PARS2: variants seen among roughly 807,000 people sequenced by gnomAD.
PARS2 encodes prolyl-tRNA synthetase 2, mitochondrial.
A neutral mutation model predicts 27.4 loss-of-function variants in PARS2; 20 were observed. That is an observed-to-expected ratio of 0.73 (90% CI 0.51 to 1.06). The LOEUF is 1.06. Among genes scored for constraint, PARS2 ranks in the 50% least tolerant of loss-of-function variants. PARS2 has a pLI of 0.00. For missense variants in PARS2, 585 were observed against 602.1 expected (o/e 0.97, Z 0.30); for synonymous variants, 240 against 247.1 (o/e 0.97, Z 0.27).
In PARS2 at chr1:54,758,510, C is replaced by A. The variant is rs1029901014; in HGVS notation, c.652G>T (p.Ala218Ser). Reference protein sequence around the residue: ...DMYTFDSSPEAAQQTYSLVCD... With the variant: ...DMYTFDSSPESAQQTYSLVCD... The stretch of plus-strand genomic sequence containing the variant: ...ACCAGGCTGTAGGTCTGCTGGGCAG[C>A]CTCTGGGGAGGAGTCAAAGGTGTAC... Residue 218 changes from alanine to serine, a missense_variant, in exon 2 of 2, where the codon GCT becomes TCT. Coordinates refer to ENST00000371279, the MANE Select transcript of PARS2 (RefSeq NM_152268.4). 6.2e-7 allele frequency: 1 copy of A among 1,614,012 alleles called. No individual in the cohort carries two copies. Among genetic ancestry groups the A allele is most frequent in the African/African-American group, 1.3e-5 (1 of 74,886 alleles).
In PARS2 at chr1:54,757,073, G is replaced by A. The variant is rs1646117945; in HGVS notation, c.*661C>T. ...GACTGCCTGTCACACACCTCTCATG[G>A]AACCCCCTAGTGACACCTATAAGGA... On this transcript the variant is annotated 3_prime_UTR_variant, in exon 2 of 2. Coordinates refer to ENST00000371279, the MANE Select transcript of PARS2 (RefSeq NM_152268.4). 6.6e-6 allele frequency: 1 copy of A among 152,156 alleles called. No individual in the cohort carries two copies. Among genetic ancestry groups the A allele is most frequent in the Non-Finnish European group, 1.5e-5 (1 of 68,030 alleles). The allele number at this position is 152,156 out of a possible 1,614,324, so 9.4% of individuals were successfully genotyped here.
Position 54,759,184 on chromosome 1 carries a change from C to G in PARS2, c.-23G>C, listed in dbSNP as rs1293313905. The G allele has an allele frequency of 6.5e-7, 1 of 1,544,000 alleles. No homozygotes were observed. The highest frequency in any genetic ancestry group is 1.2e-5 in the South Asian group (1 of 81,834). The stretch of plus-strand genomic sequence containing the variant: ...CATGACACCCTGGCACCGGGAAGCA[C>G]AGGCACCTGAGGAAAAATGAGTTGT... On this transcript the variant is annotated 5_prime_UTR_variant, in exon 2 of 2. Coordinates refer to ENST00000371279, the MANE Select transcript of PARS2 (RefSeq NM_152268.4).
intron 1 of PARS2, among the ~76,000 whole-genome samples, chr1:54,759,426 G>T (rs1027174298): frequency 6.6e-6 from 1 of 152,180 alleles, no homozygotes; most frequent in Admixed American, 6.5e-5. Flanking sequence ...CCTGTGGAGA[G>T]ACAGCGTCAT....
In PARS2 at chr1:54,757,557, T is replaced by G; in HGVS notation, c.*177A>C. ...GGAGAAAGGGATCAAGTTAATGACT[T>G]TAAATACAAATAATCTGAACAAATG... On this transcript the variant is annotated 3_prime_UTR_variant, in exon 2 of 2. Transcript: ENST00000371279. 1.8e-6 allele frequency: 1 copy of G among 570,970 alleles called. No individual in the cohort carries two copies. The highest frequency in any genetic ancestry group is 3.1e-6 in the Non-Finnish European group (1 of 323,086). The allele number at this position is 570,970 out of a possible 1,614,324, so 35.4% of individuals were successfully genotyped here. A position where few individuals can be genotyped will look rare whatever the true frequency, so the allele number is the denominator to read the frequency against.
At chr1:54,760,007 GA>G (rs372322152) in intron 1 of PARS2, among the ~76,000 whole-genome samples, 1,472 of 142,038 alleles carry the variant, frequency 0.01, 27 homozygotes, top group African/African-American at 0.034. Context: ...CTGTCTCAAA[GA>G]AAAAAAAAAA....
rs567420222 is a variant in PARS2, at chr1:54,761,783, C to A, written c.-29-2593G>T. Reference sequence around the variant, plus strand: ...CCCTCCAACCTCAAGCAGCCTCATTCATTTCCCCTGTGCACTGTACAAATG... The same window carrying A: ...CCCTCCAACCTCAAGCAGCCTCATTAATTTCCCCTGTGCACTGTACAAATG... On this transcript the variant is annotated intron_variant, in intron 1 of 1. Coordinates refer to ENST00000371279, the MANE Select transcript of PARS2 (RefSeq NM_152268.4). Among the ~76,000 whole-genome samples the A allele has an allele frequency of 1.3e-4, 20 of 152,288 alleles. No individual in the cohort carries two copies. In the South Asian group the frequency reaches 3.9e-3, roughly 30 times the overall value.
intron 1 of PARS2, among the ~76,000 whole-genome samples, chr1:54,760,447 C>A (rs72911780): frequency 0.015 from 2,298 of 152,284 alleles, 57 homozygotes; most frequent in African/African-American, 0.052. Flanking sequence ...ATTCCTACCT[C>A]TTCACTTGCT....
At chr1:54,761,816 G>A (rs1414596850) in intron 1 of PARS2, among the ~76,000 whole-genome samples, 1 of 152,154 alleles carries the variant, frequency 6.6e-6, no homozygotes, top group East Asian at 1.9e-4. Flanking sequence ...ATGTTTAAAG[G>A]TGGTCAGGCA....
Position 54,757,010 on chromosome 1 carries a change from C to T in PARS2, c.*724G>A, listed in dbSNP as rs1377027073. On this transcript the variant is annotated 3_prime_UTR_variant, in exon 2 of 2. Coordinates refer to ENST00000371279, the MANE Select transcript of PARS2 (RefSeq NM_152268.4). ...TTGGGCCATCAGTTAATTACATCGA[C>T]TTTCCAGGAAACAGACTATGGAGAA... 1 of 152,122 alleles carries T rather than the reference C, an allele frequency of 6.6e-6. No individual in the cohort carries two copies. The highest frequency in any genetic ancestry group is 2.4e-5 in the African/African-American group (1 of 41,416). 9.4% of individuals were successfully genotyped at this position (152,122 alleles called of 1,614,324 possible). A position where few individuals can be genotyped will look rare whatever the true frequency, so the allele number is the denominator to read the frequency against.
rs767329181 is a variant in PARS2 at position 54,758,790 on chromosome 1, C to T, written c.372G>A (p.Pro124=). 4 of 1,614,102 alleles carry T rather than the reference C, an allele frequency of 2.5e-6. No homozygotes were observed. The highest frequency in any genetic ancestry group is 2.2e-5 in the South Asian group (2 of 91,086). ...GGTTGGTGGCTTGCCAGAGCTCTGC[C>T]GGGCTGAGGCTGGGCATGTTGACTT... ...GQKVNMPSLS[P]AELWQATNRW... is the part of the protein sequence containing the mutation. The change falls in exon 2 of 2, where the codon CCG becomes CCA. Residue 124 remains proline (P), a synonymous_variant. Transcript: ENST00000371279.
At position 54,757,835 on chromosome 1, in the gene PARS2, C is replaced by T; in HGVS notation, c.1327G>A (p.Asp443Asn). The change falls in exon 2 of 2, where the codon GAC becomes AAC. Residue 443 changes from aspartate to asparagine, a missense_variant. Asp to Asn is a conservative substitution (Grantham distance 23). Transcript: ENST00000371279. ...CACCAAACCTCAAAATGTGCAGGGT[C>T]CTCCAGGGCCCTCTTGCCAGCGATT... The part of the protein sequence containing the change: ...VIIAGKRALE[D>N]PAHFEVWCQN... 6.2e-7 allele frequency: 1 copy of T among 1,614,168 alleles called. No homozygotes were observed.
chr1:54,764,194 T>C (rs948316743), intron 1 of PARS2, among the ~76,000 whole-genome samples: 1 of 152,196 alleles, frequency 6.6e-6, no homozygotes, highest in Non-Finnish European at 1.5e-5. Context: ...CCAGGGCCTT[T>C]CCAGAGCTGG....
In PARS2 at chr1:54,757,055, T is replaced by C. The variant is rs748446551; in HGVS notation, c.*679A>G. On this transcript the variant is annotated 3_prime_UTR_variant, in exon 2 of 2. Coordinates refer to ENST00000371279, the MANE Select transcript of PARS2 (RefSeq NM_152268.4). The stretch of plus-strand genomic sequence containing the variant: ...GGAGAATGAGAGGAATCAGACTGCC[T>C]GTCACACACCTCTCATGGAACCCCC... 6.6e-6 allele frequency: 1 copy of C among 152,184 alleles called. No homozygotes were observed. Among genetic ancestry groups the C allele is most frequent in the Non-Finnish European group, 1.5e-5 (1 of 68,044 alleles). 9.4% of individuals were successfully genotyped at this position (152,184 alleles called of 1,614,324 possible). A position where few individuals can be genotyped will look rare whatever the true frequency, so the allele number is the denominator to read the frequency against.
intron 1 of PARS2, among the ~76,000 whole-genome samples, chr1:54,763,893 A>T (rs1646170605): frequency 6.6e-6 from 1 of 152,240 alleles, no homozygotes; most frequent in African/African-American, 2.4e-5. Flanking sequence ...TGCTATTATT[A>T]TTATTATTAT....
intron 1 of PARS2, among the ~76,000 whole-genome samples, chr1:54,764,063 GC>G (rs1421033143): frequency 1.3e-5 from 2 of 152,172 alleles, no homozygotes; most frequent in African/African-American, 4.8e-5. Context: ...GGAACCCTAG[GC>G]CTAGTTCTAA....
intron 1 of PARS2, among the ~76,000 whole-genome samples, chr1:54,761,605 C>A (rs985048439): frequency 6.6e-6 from 1 of 152,060 alleles, no homozygotes; most frequent in African/African-American, 2.4e-5. Context: ...ATTTGTATTG[C>A]CAAATTTAGT....
At position 54,757,717 on chromosome 1, in the gene PARS2, G is replaced by T. The variant is rs779661597; in HGVS notation, c.*17C>A. The stretch of plus-strand genomic sequence containing the variant: ...ACACCAAGGCTGCAAATGGGGGCAG[G>T]GGTGGGCTGGGGGCATTTAGACAGT... On this transcript the variant is annotated 3_prime_UTR_variant, in exon 2 of 2. Coordinates refer to ENST00000371279, the MANE Select transcript of PARS2 (RefSeq NM_152268.4). 1.3e-6 allele frequency: 2 copies of T among 1,546,736 alleles called. No individual in the cohort carries two copies. The highest frequency in any genetic ancestry group is 3.5e-4 in the Middle Eastern group (2 of 5,762).
chr1:54,757,946 C>T lies in PARS2; in HGVS notation c.1216G>A (p.Gly406Arg), dbSNP rs759228236. Residue 406 changes from glycine to arginine, a missense_variant, in exon 2 of 2, where the codon GGG becomes AGG. Gly to Arg is a moderately radical substitution (Grantham distance 125). Transcript: ENST00000371279. Reference sequence around the variant, plus strand: ...GTCCTGTCGTCCAGGAGCACCTCCCCGTGAAGCTGAGGCACTGCCTCTGTG... The same window carrying T: ...GTCCTGTCGTCCAGGAGCACCTCCCTGTGAAGCTGAGGCACTGCCTCTGTG... The part of the protein sequence containing the change: ...HITEAVPQLH[G>R]EVLLDDRTHL... 2.9e-5 allele frequency: 47 copies of T among 1,614,126 alleles called. No homozygotes were observed. The highest frequency in any genetic ancestry group is 5.5e-5 in the South Asian group (5 of 91,066).
At chr1:54,762,130 G>A (rs1012984760) in intron 1 of PARS2, among the ~76,000 whole-genome samples, 1 of 148,866 alleles carries the variant, frequency 6.7e-6, no homozygotes, top group Non-Finnish European at 1.5e-5. Context: ...AATCGCTGGA[G>A]GGCTTGTTTT....
Sources: allele counts gnomAD v4.1 joint callset (sites outside exome capture counted in the v4.1 genomes callset), GRCh38; gene constraint gnomAD v4.1.1; transcripts MANE v1.5; gene names NCBI Gene and HGNC (gene_info 2026-07-23, HGNC 2026-07-21).